Variants in FRMPD2 observed in about 807,000 individuals in gnomAD.
The protein encoded by FRMPD2 is FERM and PDZ domain-containing protein 2.
A neutral mutation model predicts 140.1 loss-of-function variants in FRMPD2; 96 were observed. The ratio of observed to expected loss-of-function variants is 0.69; its 90% CI spans 0.58 to 0.81. FRMPD2 has a LOEUF of 0.81. Among genes scored for constraint, FRMPD2 ranks in the 40% least tolerant of loss-of-function variants. FRMPD2 has a pLI of 0.00. For synonymous variants in FRMPD2, 449 were observed against 547.6 expected (o/e 0.82, Z 2.52); for missense variants, 1,240 against 1,447.4 (o/e 0.86, Z 2.32).
At chr10:48,183,460 A>T (rs978480357) in intron 20 of FRMPD2, among the ~76,000 whole-genome samples, 4 of 152,174 alleles carry the variant, frequency 2.6e-5, no homozygotes, top group African/African-American at 7.2e-5. Context: ...TCTTATCTAA[A>T]GGATGAAGAA....
At chr10:48,234,958 A>G (rs1839934994) in intron 9 of FRMPD2, among the ~76,000 whole-genome samples, 1 of 152,012 alleles carries the variant, frequency 6.6e-6, no homozygotes, top group Non-Finnish European at 1.5e-5. Flanking sequence ...GTCTCCAGTC[A>G]CCTAAGCCAT....
rs79370535 is a variant in FRMPD2, at chr10:48,195,282, T to C, written c.1955-2388A>G. On this transcript the variant is annotated intron_variant, in intron 15 of 28. Transcript: ENST00000374201. ...CCACAGGGCTGACAGATCCTGCCTA[T>C]TTAGTCCTGAAATTATGCATTTGTA... is the stretch of plus-strand genomic sequence containing the variant. Among the ~76,000 whole-genome samples, 28 of 152,368 alleles carry C rather than the reference T, an allele frequency of 1.8e-4. No homozygotes were observed. In the East Asian group the frequency reaches 4.8e-3, roughly 26 times the overall value.
chr10:48,201,627 T>C, intron 14 of FRMPD2: 1 of 354,224 alleles, frequency 2.8e-6, no homozygotes. Flanking sequence ...TTTCAAGGAG[T>C]GTGCTGGGTG....
chr10:48,176,151 A>G, intron 22 of FRMPD2: 1 of 508,146 alleles, frequency 2.0e-6, no homozygotes, highest in Non-Finnish European at 3.7e-6. Flanking sequence ...AATAGCAACT[A>G]TGTGAGAGAT....
intron 1 of FRMPD2, among the ~76,000 whole-genome samples, chr10:48,271,261 C>T (rs962068818): frequency 6.6e-6 from 1 of 152,218 alleles, no homozygotes; most frequent in African/African-American, 2.4e-5. Context: ...CTTCTTCCCC[C>T]ACTGGCTGAA....
At chr10:48,261,402 G>A (rs1840587863) in intron 1 of FRMPD2, among the ~76,000 whole-genome samples, 1 of 151,974 alleles carries the variant, frequency 6.6e-6, no homozygotes, top group African/African-American at 2.4e-5. Context: ...AAAAGTGAGA[G>A]AGAGAGAAAT....
intron 23 of FRMPD2, chr10:48,175,283 T>C (rs1191768027): frequency 1.6e-6 from 1 of 640,610 alleles, no homozygotes; most frequent in Non-Finnish European, 2.4e-6. Context: ...CACTTAGATA[T>C]TTATATCTCC....
chr10:48,188,059 G>A (rs1259933167), intron 16 of FRMPD2, among the ~76,000 whole-genome samples: 3 of 152,202 alleles, frequency 2.0e-5, no homozygotes, highest in Admixed American at 6.5e-5. Flanking sequence ...TTGATGTAAA[G>A]CTGTGGGTCT....
intron 12 of FRMPD2, among the ~76,000 whole-genome samples, chr10:48,218,156 T>G (rs1414959136): frequency 3.3e-5 from 5 of 152,166 alleles, no homozygotes; most frequent in Non-Finnish European, 5.9e-5. Flanking sequence ...CCAAATTTCT[T>G]CTTCTTATAA....
chr10:48,200,160 A>G (rs910617479), intron 15 of FRMPD2, among the ~76,000 whole-genome samples: 15 of 120,510 alleles, frequency 1.2e-4, no homozygotes, highest in African/African-American at 6.1e-4. Context: ...ATATAAATAA[A>G]TAAATAAATA....
Position 48,228,691 on chromosome 10 carries a change from C to T in FRMPD2, c.1168+3424G>A, listed in dbSNP as rs183452828. ...TAAAGTTACCAAGAGTTTTAAAATT[C>T]CAATTACTAAATGTAATTCTGTACA... On this transcript the variant is annotated intron_variant, in intron 10 of 28. Transcript: ENST00000374201. 3.9e-5 allele frequency among the ~76,000 whole-genome samples: 6 copies of T among 151,920 alleles called. No homozygotes were observed. The East Asian group carries it at 1.2e-3, about 29-fold the overall frequency.
Position 48,183,851 on chromosome 10 carries a change from C to CAAAAAA in FRMPD2, c.2584+709_2584+714dup, listed in dbSNP as rs57389978. ...TGGGTGAAAGAGTGAGACTCCATCTCAAAAAAAAAAAAGGAAAATCAAATA... is the reference window on the plus strand; with the variant it reads ...TGGGTGAAAGAGTGAGACTCCATCTCAAAAAAAAAAAAAAAAAAGGAAAATCAAATA... On this transcript the variant is annotated intron_variant, in intron 20 of 28. Coordinates refer to ENST00000374201, the MANE Select transcript of FRMPD2 (RefSeq NM_001018071.4). Among the ~76,000 whole-genome samples, 95 of 76,782 alleles carry CAAAAAA rather than the reference C, an allele frequency of 1.2e-3. 2 individuals carry two copies. The highest frequency in any genetic ancestry group is 4.7e-3 in the African/African-American group (83 of 17,556). 50.4% of individuals were successfully genotyped at this position (76,782 alleles called of 152,430 possible).
intron 6 of FRMPD2, 77 bp downstream of exon 6, chr10:48,240,283 T>C: frequency 6.7e-7 from 1 of 1,487,326 alleles, no homozygotes; most frequent in Non-Finnish European, 9.2e-7. Flanking sequence ...AATGTGGATG[T>C]GTAGCCCATA....
chr10:48,265,340 T>A (rs546171314), intron 1 of FRMPD2, among the ~76,000 whole-genome samples: 25 of 152,012 alleles, frequency 1.6e-4, no homozygotes, highest in Non-Finnish European at 2.8e-4. Flanking sequence ...CAAAAGCAAT[T>A]GCAACAAAAG....
Position 48,222,346 on chromosome 10 carries a change from G to C in FRMPD2, c.1422C>G (p.Ala474=). ...GGTAATTGCCAAACTCAGCCTGCAA[G>C]GCAAGGACCCCCAGCTGCAGCAGTA... is the stretch of plus-strand genomic sequence containing the variant. The part of the protein sequence containing the change: ...EEILLQLGVL[A]LQAEFGNYPK... The change falls in exon 12 of 29, where the codon GCC becomes GCG. Residue 474 remains alanine, a synonymous_variant. Coordinates refer to ENST00000374201, the MANE Select transcript of FRMPD2 (RefSeq NM_001018071.4). 2.5e-6 allele frequency: 4 copies of C among 1,614,154 alleles called. No individual in the cohort carries two copies. Among genetic ancestry groups the C allele is most frequent in the Non-Finnish European group, 3.4e-6 (4 of 1,180,000 alleles).
chr10:48,224,462 G>C (rs1319559434), intron 10 of FRMPD2, among the ~76,000 whole-genome samples: 1 of 152,120 alleles, frequency 6.6e-6, no homozygotes, highest in Admixed American at 6.5e-5. Flanking sequence ...GGGTGGGGAG[G>C]GGGTGTCCAG....
Position 48,192,859 on chromosome 10 carries a change from G to A in FRMPD2, c.1990C>T (p.Pro664Ser). ...DKFVQMANLSPAHQARSKPLI... is the reference protein window; with the variant it reads ...DKFVQMANLSSAHQARSKPLI... ...GGCTTAGACCGGGCCTGGTGTGCAGGACTCAAATTGGCCATTTGCACAAAC... is the reference window on the plus strand; with the variant it reads ...GGCTTAGACCGGGCCTGGTGTGCAGAACTCAAATTGGCCATTTGCACAAAC... The change falls in exon 16 of 29, where the codon CCT becomes TCT. Residue 664 changes from proline (P) to serine (S), a missense_variant. Physicochemically the swap from Pro to Ser is moderately conservative, Grantham distance 74. Coordinates refer to ENST00000374201, the MANE Select transcript of FRMPD2 (RefSeq NM_001018071.4). 1 of 1,614,042 alleles carries A rather than the reference G, an allele frequency of 6.2e-7. No homozygotes were observed. The highest frequency in any genetic ancestry group is 8.5e-7 in the Non-Finnish European group (1 of 1,180,024).
At position 48,225,700 on chromosome 10, in the gene FRMPD2, C is replaced by A. The variant is rs557203044; in HGVS notation, c.1169-2430G>T. ...TCTCTTTGTTGTTATTTTAGGTTGG[C>A]AAAACCTGGTGTTAGAGATGTGGGA... On this transcript the variant is annotated intron_variant, in intron 10 of 28. Coordinates refer to ENST00000374201, the MANE Select transcript of FRMPD2 (RefSeq NM_001018071.4). Among the ~76,000 whole-genome samples the A allele has an allele frequency of 6.6e-5, 10 of 152,266 alleles. No homozygotes were observed. The South Asian group carries it at 1.9e-3, about 28-fold the overall frequency.
intron 20 of FRMPD2, among the ~76,000 whole-genome samples, chr10:48,184,136 T>G (rs1838617402): frequency 6.6e-6 from 1 of 152,022 alleles, no homozygotes; most frequent in Admixed American, 6.6e-5. Context: ...CAAAGAACAG[T>G]GCTTGTCTCC....
Sources: allele counts gnomAD v4.1 joint callset (sites outside exome capture counted in the v4.1 genomes callset), GRCh38; gene constraint gnomAD v4.1.1; transcripts MANE v1.5; gene names NCBI Gene and HGNC (gene_info 2026-07-23, HGNC 2026-07-21).